The following TCF4 variants were observed in gnomAD, a reference collection of about 807,000 sequenced individuals.
TCF4 encodes transcription factor 4, also known as SL3-3 enhancer factor 2.
A neutral mutation model predicts 82.1 loss-of-function variants in TCF4; 3 were observed. The observed-to-expected ratio is 0.04, with a 90% CI of 0.02 to 0.09. The LOEUF is 0.09. Among genes scored for constraint, TCF4 ranks in the 10% least tolerant of loss-of-function variants. The pLI is 1.00. For missense variants in TCF4, 518 were observed against 852.7 expected (o/e 0.61, Z 4.89); for synonymous variants, 276 against 309.6 (o/e 0.89, Z 1.14).
At chr18:55,515,201 T>C (rs987284028) in intron 3 of TCF4, among the ~76,000 whole-genome samples, 1 of 151,860 alleles carries the variant, frequency 6.6e-6, no homozygotes, top group African/African-American at 2.4e-5. Flanking sequence ...GGCAAGTAGA[T>C]GAGAGAGAAA....
rs1484642725 is a variant in TCF4, at chr18:55,497,975, G to A, written c.146-33838C>T. ...GGAATACACAAAGCACTACCCACTTGTTATACCTACTGACAAAAAATAATA... is the reference window on the plus strand; with the variant it reads ...GGAATACACAAAGCACTACCCACTTATTATACCTACTGACAAAAAATAATA... On this transcript the variant is annotated intron_variant, in intron 3 of 19. Coordinates refer to ENST00000354452, the MANE Select transcript of TCF4 (RefSeq NM_001083962.2). 2.0e-5 allele frequency among the ~76,000 whole-genome samples: 3 copies of A among 152,166 alleles called. No homozygotes were observed. In the East Asian group the frequency reaches 5.8e-4, roughly 29 times the overall value.
chr18:55,367,175 G>C (rs1342029980), intron 6 of TCF4, among the ~76,000 whole-genome samples: 1 of 152,184 alleles, frequency 6.6e-6, no homozygotes, highest in Non-Finnish European at 1.5e-5. Flanking sequence ...AAAATTGTCA[G>C]GGCAATCTGG....
At chr18:55,269,689 G>A in intron 11 of TCF4, 142 bp downstream of exon 11, 1 of 1,108,604 alleles carries the variant, frequency 9.0e-7, no homozygotes, top group Non-Finnish European at 1.3e-6. Context: ...ACTTCTGTTT[G>A]GTACATTTGT....
chr18:55,635,115 G>T (rs2097735020), intron 1 of TCF4, among the ~76,000 whole-genome samples: 1 of 152,180 alleles, frequency 6.6e-6, no homozygotes, highest in Non-Finnish European at 1.5e-5. Flanking sequence ...TATGAATACT[G>T]AGAAGCAGCC....
chr18:55,481,861 CA>C (rs1301513752), intron 3 of TCF4, among the ~76,000 whole-genome samples: 1 of 152,180 alleles, frequency 6.6e-6, no homozygotes, highest in Non-Finnish European at 1.5e-5. Context: ...ATCTTTAAAT[CA>C]GTGATTCTTC....
intron 3 of TCF4, among the ~76,000 whole-genome samples, chr18:55,568,908 A>G (rs1042667851): frequency 2.0e-5 from 3 of 152,188 alleles, no homozygotes; most frequent in Non-Finnish European, 4.4e-5. Context: ...CATTAATTTC[A>G]TCCACAAAAT....
intron 3 of TCF4, chr18:55,479,337 A>G (rs895315135): frequency 6.5e-6 from 1 of 154,270 alleles, no homozygotes; most frequent in Non-Finnish European, 1.5e-5. Flanking sequence ...CCTCTGGAAG[A>G]CACTGGATTT....
At chr18:55,364,955 C>T (rs759227250) in intron 6 of TCF4, among the ~76,000 whole-genome samples, 29 of 151,230 alleles carry the variant, frequency 1.9e-4, no homozygotes, top group African/African-American at 2.7e-4. Context: ...GTCAGGAGAT[C>T]GAGACCATCC....
At chr18:55,588,292 A>G, upstream of TCF4, 1 of 1,430,348 alleles carries the variant, frequency 7.0e-7, no homozygotes, top group Admixed American at 2.6e-5. Context: ...GCCGAGGCGC[A>G]CGGAATTGCA....
chr18:55,480,366 C>T (rs1406178293), intron 3 of TCF4, among the ~76,000 whole-genome samples: 1 of 149,432 alleles, frequency 6.7e-6, no homozygotes, highest in Middle Eastern at 3.6e-3. Context: ...ATATTTGACA[C>T]CAAAAGGATA....
chr18:55,373,273 G>C (rs898893827), intron 6 of TCF4, among the ~76,000 whole-genome samples: 2 of 151,448 alleles, frequency 1.3e-5, no homozygotes, highest in Admixed American at 6.6e-5. Context: ...CCAATCTAAG[G>C]CAAAAATGTA....
intron 8 of TCF4, among the ~76,000 whole-genome samples, chr18:55,319,375 G>T (rs1454030654): frequency 6.6e-6 from 1 of 152,114 alleles, no homozygotes; most frequent in Non-Finnish European, 1.5e-5. Context: ...ATGCATGAGG[G>T]CATTTTAAAA....
intron 6 of TCF4, among the ~76,000 whole-genome samples, chr18:55,358,732 C>T (rs1427221480): frequency 2.0e-5 from 3 of 152,188 alleles, no homozygotes; most frequent in Non-Finnish European, 4.4e-5. Flanking sequence ...AAGAGCTTAT[C>T]CTAAAATTTA....
intron 8 of TCF4, among the ~76,000 whole-genome samples, chr18:55,328,820 C>T (rs1313355575): frequency 1.3e-5 from 2 of 152,118 alleles, no homozygotes; most frequent in Admixed American, 1.3e-4. Flanking sequence ...CAATGCATTG[C>T]TCGATAATCA....
chr18:55,559,202 C>G (rs369242639), intron 3 of TCF4, among the ~76,000 whole-genome samples: 13 of 148,988 alleles, frequency 8.7e-5, no homozygotes, highest in South Asian at 6.3e-4. Flanking sequence ...TTGTGGCTAT[C>G]AGAAATGTTA....
intron 6 of TCF4, among the ~76,000 whole-genome samples, chr18:55,373,230 A>T (rs1316726693): frequency 2.0e-5 from 3 of 151,856 alleles, no homozygotes; most frequent in Non-Finnish European, 4.4e-5. Context: ...TACAAAAATA[A>T]AGCATGTAGA....
intron 3 of TCF4, among the ~76,000 whole-genome samples, chr18:55,468,971 A>T (rs2096110177): frequency 6.7e-6 from 1 of 149,542 alleles, no homozygotes; most frequent in African/African-American, 2.4e-5. Context: ...AAAGGAAGAA[A>T]GCAAGTAGAT....
intron 8 of TCF4, among the ~76,000 whole-genome samples, chr18:55,300,396 G>A (rs566892086): frequency 6.8e-6 from 1 of 147,692 alleles, no homozygotes; most frequent in Non-Finnish European, 1.5e-5. Flanking sequence ...GGAAGGCAGG[G>A]GCAGGGAATG....
chr18:55,399,782 C>T, intron 6 of TCF4, among the ~76,000 whole-genome samples: 1 of 151,672 alleles, frequency 6.6e-6, no homozygotes, highest in East Asian at 1.9e-4. Context: ...AGCACAGGCC[C>T]AGCTCACAAG....
Sources: gnomAD v4.1 joint callset for allele counts (sites outside exome capture counted in the v4.1 genomes callset) on GRCh38, gnomAD v4.1.1 for gene constraint, MANE v1.5 for transcripts, NCBI Gene and HGNC (gene_info 2026-07-23, HGNC 2026-07-21) for gene names.